Variants in ARHGEF18 observed in about 807,000 individuals in gnomAD.
ARHGEF18 encodes the protein rho guanine nucleotide exchange factor 18.
Under a neutral mutation model 155.7 loss-of-function variants are expected in ARHGEF18, and 93 were observed. That is an observed-to-expected ratio of 0.60 (90% CI 0.50 to 0.71). The LOEUF (loss-of-function observed/expected upper bound fraction) is 0.71, where lower values mean the gene tolerates loss of function less well. Ranked by LOEUF, ARHGEF18 falls within the 30% of genes least tolerant of loss-of-function variation. The pLI is 0.00. For synonymous variants in ARHGEF18, 742 were observed against 753.1 expected (o/e 0.99, Z 0.24); for missense variants, 1,593 against 1,816.1 (o/e 0.88, Z 2.23).
rs1976320552 is a variant in ARHGEF18, at chr19:7,462,282, C to G, written c.2583C>G (p.Asp861Glu). 6.2e-7 allele frequency: 1 copy of G among 1,612,742 alleles called. No homozygotes were observed. Among genetic ancestry groups the G allele is most frequent in the Admixed American group, 1.7e-5 (1 of 59,778 alleles). The change falls in exon 21 of 29, where the codon GAC (aspartate) becomes GAG (glutamate). Residue 861 changes from aspartate (D) to glutamate (E), a missense_variant. Transcript: ENST00000668164. This position sits in a 1 kb window ranked among gnomAD's most constrained non-coding sequence, Gnocchi z 4.4. ...PQPRGLFRGG[D>E]PSETLQGELI... ...CCCGAGGCCTATTCCGTGGAGGGGA[C>G]CCATCCGAGACCCTGCAGGGGGAGC... is the stretch of plus-strand genomic sequence containing the variant.
At chr19:7,368,189 A>G (rs936753087) in intron 2 of ARHGEF18, among the ~76,000 whole-genome samples, 2 of 151,988 alleles carry the variant, frequency 1.3e-5, no homozygotes, top group African/African-American at 4.8e-5. Flanking sequence ...AACTATTTAC[A>G]TTTTTAAAAT....
intron 1 of ARHGEF18, among the ~76,000 whole-genome samples, chr19:7,359,937 A>G (rs1304571462): frequency 6.6e-6 from 1 of 152,072 alleles, no homozygotes; most frequent in African/African-American, 2.4e-5. Context: ...GGAGGATCAT[A>G]TGAGACCAGG....
chr19:7,396,825 C>G (rs527514839), intron 10 of ARHGEF18, among the ~76,000 whole-genome samples: 30 of 152,002 alleles, frequency 2.0e-4, no homozygotes, highest in African/African-American at 7.0e-4. Flanking sequence ...TTCCGTCTTC[C>G]CATCTTTAAA....
At chr19:7,451,405 T>TTTG (rs1975459788) in intron 16 of ARHGEF18, 139 bp downstream of exon 16, 1 of 93,084 alleles carries the variant, frequency 1.1e-5, no homozygotes, top group South Asian at 2.4e-4. Flanking sequence ...GGTTCCTTCC[T>TTTG]TTTTTTTTTT....
chr19:7,382,727 A>G, intron 8 of ARHGEF18, 65 bp from the exon 9 acceptor site: 1 of 1,157,372 alleles, frequency 8.6e-7, no homozygotes, highest in Non-Finnish European at 1.1e-6. Flanking sequence ...TCCTGAAGCA[A>G]CCCACAGGGC....
At chr19:7,416,530 CGTGTGTGTGTGTGTGT>C (rs71179108) in intron 10 of ARHGEF18, among the ~76,000 whole-genome samples, 3,559 of 105,948 alleles carry the variant, frequency 0.034, 153 homozygotes, top group African/African-American at 0.11. Context: ...GGAGAAAATT[CGTGTGTGTGTGTGTGT>C]GTGTGTGTGT....
Position 7,375,855 on chromosome 19 carries a change from A to C in ARHGEF18, c.411A>C (p.Ala137=). 1 of 1,234,468 alleles carries C rather than the reference A, an allele frequency of 8.1e-7. No individual in the cohort carries two copies. The highest frequency in any genetic ancestry group is 1.0e-6 in the Non-Finnish European group (1 of 988,246). The allele number at this position is 1,234,468 out of a possible 1,614,324, so 76.5% of individuals were successfully genotyped here. The change falls in exon 4 of 29, where the codon GCA becomes GCC. Residue 137 remains alanine (A), a synonymous_variant. Transcript: ENST00000668164. The part of the protein sequence containing the change: ...QGCLSGGGTP[A]ESPGKECDSP... ...GTCTCTCTGGGGGCGGGACCCCCGC[A>C]GAGAGCCCAGGCAAGGTGGGTATAA...
intron 10 of ARHGEF18, among the ~76,000 whole-genome samples, chr19:7,428,804 C>A (rs1973800901): frequency 6.6e-6 from 1 of 152,190 alleles, no homozygotes. Flanking sequence ...ACTGTGCTCC[C>A]CGCCCTGCCC....
rs570688556 is a variant in ARHGEF18 at position 7,455,944 on chromosome 19, C to T, written c.2105-383C>T. Among the ~76,000 whole-genome samples the T allele has an allele frequency of 1.3e-4, 20 of 152,332 alleles. No individual in the cohort carries two copies. In the East Asian group the frequency reaches 3.7e-3, roughly 28 times the overall value. On this transcript the variant is annotated intron_variant, in intron 17 of 28. Coordinates refer to ENST00000668164, the MANE Select transcript of ARHGEF18 (RefSeq NM_001367823.1). ...TGATTCAATTACCTCCCACCAGGTC[C>T]CTCTTACAGCACGTGGGAATTCAAG... is the stretch of plus-strand genomic sequence containing the variant.
intron 10 of ARHGEF18, among the ~76,000 whole-genome samples, chr19:7,388,138 A>C (rs1600260855): frequency 6.6e-6 from 1 of 152,106 alleles, no homozygotes; most frequent in East Asian, 1.9e-4. Context: ...AACAGCGTCT[A>C]ATTTCCTGAA....
chr19:7,478,567 G>A, the ARHGEF18 span, among the ~76,000 whole-genome samples: 1 of 152,340 alleles, frequency 6.6e-6, no homozygotes, highest in African/African-American at 2.4e-5. Flanking sequence ...CTCTAACACG[G>A]CCCCGTCCCA....
At chr19:7,413,692 T>C (rs1348289371) in intron 10 of ARHGEF18, among the ~76,000 whole-genome samples, 2 of 152,164 alleles carry the variant, frequency 1.3e-5, no homozygotes, top group Non-Finnish European at 2.9e-5. Flanking sequence ...CCCCAGGAGT[T>C]TGGGGCTGCA....
Position 7,462,836 on chromosome 19 carries a change from C to CTTTTTTTTTTTTT in ARHGEF18, c.2635+508_2635+520dup, listed in dbSNP as rs34155241. Among the ~76,000 whole-genome samples the CTTTTTTTTTTTTT allele has an allele frequency of 2.1e-5, 2 of 96,488 alleles. No individual in the cohort carries two copies. The highest frequency in any genetic ancestry group is 4.4e-5 in the African/African-American group (1 of 22,518). The allele number at this position is 96,488 out of a possible 152,430, so 63.3% of individuals were successfully genotyped here. ...AGTCTGCTCTTTCTTTTTTTCTTTT[C>CTTTTTTTTTTTTT]TTTTTTTTTTTTTTTTTTGAGATGG... is the stretch of plus-strand genomic sequence containing the variant. On this transcript the variant is annotated intron_variant, in intron 21 of 28. Transcript: ENST00000668164. The surrounding 1 kb of genome is among the most constrained non-coding windows in gnomAD (Gnocchi z 4.4).
At chr19:7,349,893 C>G (rs1442149676) in intron 1 of ARHGEF18, among the ~76,000 whole-genome samples, 1 of 152,078 alleles carries the variant, frequency 6.6e-6, no homozygotes, top group African/African-American at 2.4e-5. Context: ...TCCGGGCCCC[C>G]CAAGAACCTC....
intron 17 of ARHGEF18, among the ~76,000 whole-genome samples, chr19:7,454,406 T>C (rs1025697791): frequency 6.6e-6 from 1 of 151,658 alleles, no homozygotes; most frequent in African/African-American, 2.4e-5. Context: ...CTTGGAATGG[T>C]GGCATCATCT....
rs908197063 is a variant in ARHGEF18, at chr19:7,470,850, GT to G, written c.*554del. 6 of 401,254 alleles carry G rather than the reference GT, an allele frequency of 1.5e-5. No homozygotes were observed. Among genetic ancestry groups the G allele is most frequent in the Non-Finnish European group, 2.7e-5 (6 of 226,276 alleles). The allele number at this position is 401,254 out of a possible 1,614,324, so 24.9% of individuals were successfully genotyped here. On this transcript the variant is annotated 3_prime_UTR_variant, in exon 29 of 29. Coordinates refer to ENST00000668164, the MANE Select transcript of ARHGEF18 (RefSeq NM_001367823.1). The surrounding 1 kb of genome is among the most constrained non-coding windows in gnomAD (Gnocchi z 5.9). ...ACTTCCCAAACAGAGCCCCACGCAG[GT>G]TCACCATGAACCTCAGGGTCAGGGA... is the stretch of plus-strand genomic sequence containing the variant.
downstream of ARHGEF18, chr19:7,477,435 G>A (rs1599202244): frequency 7.0e-7 from 1 of 1,436,790 alleles, no homozygotes; most frequent in East Asian, 2.7e-5. Context: ...CGGGGCAGCG[G>A]GCTGTGGGGC....
chr19:7,391,617 C>T (rs375369623), intron 10 of ARHGEF18, among the ~76,000 whole-genome samples: 147 of 152,266 alleles, frequency 9.7e-4, no homozygotes, highest in African/African-American at 3.2e-3. Context: ...CTAACTCTTA[C>T]TCATCCTTTT....
At chr19:7,413,421 C>A (rs1412288330) in intron 10 of ARHGEF18, among the ~76,000 whole-genome samples, 1 of 151,884 alleles carries the variant, frequency 6.6e-6, no homozygotes, top group Non-Finnish European at 1.5e-5. Flanking sequence ...CCTGCCTCAG[C>A]CTCCCAAGTA....
Sources: gnomAD v4.1 joint callset for allele counts (sites outside exome capture counted in the v4.1 genomes callset) on GRCh38, gnomAD v4.1.1 for gene constraint, Gnocchi (gnomAD v3.1) non-coding constraint, MANE v1.5 for transcripts, NCBI Gene and HGNC (gene_info 2026-07-23, HGNC 2026-07-21) for gene names.